The following ZNF438 variants were observed in gnomAD, a reference collection of about 807,000 sequenced individuals.
The protein encoded by ZNF438 is zinc finger protein 438.
In ZNF438, 25 loss-of-function variants were observed where a neutral mutation model predicts 38.0. That is an observed-to-expected ratio of 0.66 (90% CI 0.48 to 0.92). The LOEUF is 0.92. Ranked by LOEUF, ZNF438 falls within the 40% of genes least tolerant of loss-of-function variation. The pLI, the probability that ZNF438 is intolerant of heterozygous loss-of-function variation, is 0.00. For missense variants in ZNF438, 1,007 were observed against 999.6 expected, an observed-to-expected ratio of 1.01 and a Z score of -0.10; for synonymous variants, 372 against 364.1, an observed-to-expected ratio of 1.02 and a Z score of -0.25.
intron 3 of ZNF438, among the ~76,000 whole-genome samples, chr10:30,908,310 G>T (rs1489975541): frequency 6.6e-6 from 1 of 152,162 alleles, no homozygotes; most frequent in Non-Finnish European, 1.5e-5. Context: ...ATCCTGAAGA[G>T]TGTTCCATAT....
At chr10:30,928,825 T>G (rs1160325001) in intron 2 of ZNF438, among the ~76,000 whole-genome samples, 1 of 152,116 alleles carries the variant, frequency 6.6e-6, no homozygotes, top group Non-Finnish European at 1.5e-5. Flanking sequence ...TGGAGTGAGG[T>G]GAAGACCTGG....
In ZNF438 at chr10:31,003,887, ATAATC is replaced by A. The variant is rs1357522120; in HGVS notation, c.-192+27941_-192+27945del. ...TGGTACCTCCAATGCAAGATCATAA[ATAATC>A]TAAAATCTGAAAATCTGGGGGGAGA... is the stretch of plus-strand genomic sequence containing the variant. On this transcript the variant is annotated intron_variant, in intron 1 of 5. Coordinates refer to ENST00000413025, the Ensembl canonical transcript of ZNF438. Among the ~76,000 whole-genome samples, 5 of 152,166 alleles carry A rather than the reference ATAATC, an allele frequency of 3.3e-5. No individual in the cohort carries two copies. In the South Asian group the frequency reaches 1.0e-3, roughly 31 times the overall value.
chr10:30,998,367 C>T lies in ZNF438; in HGVS notation c.-192+33466G>A, dbSNP rs370028071. 3.3e-5 allele frequency among the ~76,000 whole-genome samples: 5 copies of T among 150,398 alleles called. No homozygotes were observed. In the East Asian group the frequency reaches 7.8e-4, roughly 23 times the overall value. On this transcript the variant is annotated intron_variant, in intron 1 of 5. Coordinates refer to ENST00000413025, the Ensembl canonical transcript of ZNF438. The stretch of plus-strand genomic sequence containing the variant: ...CATCCTGGCTAACACAGTGAAACCC[C>T]GTCTCTACTAAGAAAAATACAAAAA...
intron 1 of ZNF438, among the ~76,000 whole-genome samples, chr10:30,961,492 C>CTT (rs1236261300): frequency 6.9e-6 from 1 of 145,878 alleles, no homozygotes; most frequent in African/African-American, 2.4e-5. Context: ...CTTCTACCAG[C>CTT]TTTAATGTTC....
rs569500264 is a variant in ZNF438, at chr10:30,846,931, C to T, written c.1875-1358G>A. 3.3e-5 allele frequency among the ~76,000 whole-genome samples: 5 copies of T among 152,322 alleles called. No homozygotes were observed. The East Asian group carries it at 7.7e-4, about 24-fold the overall frequency. On this transcript the variant is annotated intron_variant, in intron 5 of 5. Coordinates refer to ENST00000413025, the Ensembl canonical transcript of ZNF438. ...CTCTGCTGTAACCTGGTTGGGTGTGCACACGCTTGAGGCAGTGCTGATATG... is the reference window on the plus strand; with the variant it reads ...CTCTGCTGTAACCTGGTTGGGTGTGTACACGCTTGAGGCAGTGCTGATATG...
intron 1 of ZNF438, among the ~76,000 whole-genome samples, chr10:31,021,494 T>C (rs1031232137): frequency 1.3e-5 from 2 of 152,246 alleles, no homozygotes; most frequent in Non-Finnish European, 2.9e-5. Context: ...TTTGTATTGT[T>C]GGAATTTGCC....
chr10:30,884,792 G>T (rs1401038460), intron 3 of ZNF438, among the ~76,000 whole-genome samples: 1 of 152,214 alleles, frequency 6.6e-6, no homozygotes, highest in Non-Finnish European at 1.5e-5. Context: ...TGATGTAAAT[G>T]AAAATTTTTC....
intron 1 of ZNF438, among the ~76,000 whole-genome samples, chr10:30,966,855 G>T (rs2050177734): frequency 6.6e-6 from 1 of 152,078 alleles, no homozygotes; most frequent in East Asian, 1.9e-4. Context: ...GACAGTTAAG[G>T]TACACTAAAA....
chr10:30,858,736 G>A (rs958159163), intron 4 of ZNF438, among the ~76,000 whole-genome samples: 2 of 152,150 alleles, frequency 1.3e-5, no homozygotes, highest in Non-Finnish European at 2.9e-5. Flanking sequence ...TGGAGATCTT[G>A]TATCCTGAAT....
chr10:30,908,933 C>G (rs936625050), exon 3 of ZNF438: 1 of 151,988 alleles, frequency 6.6e-6, no homozygotes, highest in Non-Finnish European at 1.5e-5. Flanking sequence ...AACAAAATAC[C>G]TTTTACTGTT....
chr10:31,017,329 AC>A (rs1026970689), intron 1 of ZNF438, among the ~76,000 whole-genome samples: 2 of 152,202 alleles, frequency 1.3e-5, no homozygotes, highest in African/African-American at 4.8e-5. Flanking sequence ...TTCTGGTCAT[AC>A]ATGAAACAAA....
intron 1 of ZNF438, among the ~76,000 whole-genome samples, chr10:31,005,238 GATGA>G (rs796589638): frequency 4.1e-4 from 63 of 152,278 alleles, no homozygotes; most frequent in African/African-American, 1.3e-3. Context: ...TCTGTCAACA[GATGA>G]ATGAACTGTG....
intron 4 of ZNF438, chr10:30,875,656 C>T (rs1298158107): frequency 1.1e-6 from 1 of 892,402 alleles, no homozygotes; most frequent in Admixed American, 6.2e-5. Context: ...GGGGTTTGCC[C>T]ATCTCCTTTC....
chr10:30,864,091 A>G (rs1299896605), intron 4 of ZNF438, among the ~76,000 whole-genome samples: 1 of 152,100 alleles, frequency 6.6e-6, no homozygotes, highest in Non-Finnish European at 1.5e-5. Context: ...GACTTCGTGG[A>G]AAAAAGAGAG....
chr10:30,845,507 G>C, exon 6 of ZNF438: 1 of 1,614,034 alleles, frequency 6.2e-7, no homozygotes, highest in Non-Finnish European at 8.5e-7. Flanking sequence ...GACCACATTT[G>C]ATTTGTAATT....
At chr10:30,901,896 A>G (rs1384005261) in intron 3 of ZNF438, among the ~76,000 whole-genome samples, 1 of 152,094 alleles carries the variant, frequency 6.6e-6, no homozygotes, top group African/African-American at 2.4e-5. Flanking sequence ...TTGCTGGCTC[A>G]GGAGTGAAGC....
chr10:30,900,356 A>G (rs1390272463), intron 3 of ZNF438, among the ~76,000 whole-genome samples: 3 of 152,174 alleles, frequency 2.0e-5, no homozygotes, highest in Non-Finnish European at 4.4e-5. Context: ...ACCACTTACT[A>G]GCTATGTAAA....
At chr10:30,904,892 CCCTGTTAATAATCTT>C (rs2042418150) in intron 3 of ZNF438, among the ~76,000 whole-genome samples, 1 of 152,174 alleles carries the variant, frequency 6.6e-6, no homozygotes, top group African/African-American at 2.4e-5. Flanking sequence ...GTTCAGATAT[CCCTGTTAATAATCTT>C]AGTGGCCCCT....
chr10:31,017,716 C>T (rs1200809585), intron 1 of ZNF438, among the ~76,000 whole-genome samples: 2 of 152,148 alleles, frequency 1.3e-5, no homozygotes, highest in Admixed American at 6.5e-5. Flanking sequence ...AGGATTATAC[C>T]ACTCCAACCC....
Sources: allele counts gnomAD v4.1 joint callset (sites outside exome capture counted in the v4.1 genomes callset), GRCh38; gene constraint gnomAD v4.1.1; transcripts MANE v1.5; gene names NCBI Gene and HGNC (gene_info 2026-07-23, HGNC 2026-07-21).